ZNF488: variants seen among roughly 807,000 people sequenced by gnomAD.
The protein encoded by ZNF488 is zinc finger protein 488.
ZNF488 carries 1 observed loss-of-function variant against 1.2 expected under a neutral mutation model. The observed-to-expected ratio is 0.86, with a 90% CI of 0.30 to 4.07. The LOEUF is 4.07. Ranked by LOEUF, ZNF488 falls within the 30% of genes most tolerant of loss-of-function variation. The pLI is 0.18. For missense variants in ZNF488, 450 were observed against 437.9 expected, an observed-to-expected ratio of 1.03 and a Z score of -0.25; for synonymous variants, 185 against 190.1, an observed-to-expected ratio of 0.97 and a Z score of 0.22.
At chr10:47,371,367 G>C (rs1837459167) in intron 1 of ZNF488, among the ~76,000 whole-genome samples, 1 of 152,006 alleles carries the variant, frequency 6.6e-6, no homozygotes. Flanking sequence ...CAGGAAAAAA[G>C]CCTATCTACC....
chr10:47,371,731 T>C (rs917992165), intron 1 of ZNF488, among the ~76,000 whole-genome samples: 7 of 152,104 alleles, frequency 4.6e-5, no homozygotes, highest in Admixed American at 2.0e-4. Flanking sequence ...CCTCTGTGAC[T>C]TCAGAGATGC....
chr10:47,368,104 C>T lies in ZNF488; in HGVS notation c.726G>A (p.Glu242=), dbSNP rs1486567043. 6.2e-7 allele frequency: 1 copy of T among 1,614,074 alleles called. No homozygotes were observed. Among genetic ancestry groups the T allele is most frequent in the African/African-American group, 1.3e-5 (1 of 74,934 alleles). The change falls in exon 2 of 2, where the codon GAG becomes GAA. Residue 242 remains glutamate (E), a synonymous_variant. Transcript: ENST00000585316. ...GTGGGGGCACCTGGGCCTGGGTATG[C>T]TCCAGCCACAGTGTAGGGGCACCCA... The part of the protein sequence containing the change: ...TFLGAPTLWL[E]HTQAQVPPPS...
chr10:47,367,612 T>C lies in ZNF488; in HGVS notation c.*195A>G. 1.4e-6 allele frequency: 1 copy of C among 691,676 alleles called. No individual in the cohort carries two copies. Among genetic ancestry groups the C allele is most frequent in the Non-Finnish European group, 2.4e-6 (1 of 413,448 alleles). 42.8% of individuals were successfully genotyped at this position (691,676 alleles called of 1,614,324 possible). On this transcript the variant is annotated 3_prime_UTR_variant, in exon 2 of 2. Transcript: ENST00000585316. ...TGGATTTGCAAAGCCCATCACTTTA[T>C]TTCAGGACTTCATTTCCTTCAAAAC...
intron 1 of ZNF488, among the ~76,000 whole-genome samples, chr10:47,381,424 T>A (rs781980005): frequency 2.0e-5 from 3 of 152,296 alleles, no homozygotes; most frequent in Non-Finnish European, 4.4e-5. Flanking sequence ...GATTGTGAGG[T>A]CCTGGGGTTT....
intron 1 of ZNF488, among the ~76,000 whole-genome samples, chr10:47,381,571 C>T (rs1171735583): frequency 1.3e-5 from 2 of 152,298 alleles, no homozygotes; most frequent in East Asian, 3.8e-4. Flanking sequence ...CCTGGTCAGC[C>T]CCTACAGGCT....
At chr10:47,370,526 A>G (rs782257031) in intron 1 of ZNF488, among the ~76,000 whole-genome samples, 2 of 151,938 alleles carry the variant, frequency 1.3e-5, no homozygotes, top group Non-Finnish European at 2.9e-5. Flanking sequence ...CTCTGAAAGT[A>G]CTCTCCCTCA....
intron 1 of ZNF488, among the ~76,000 whole-genome samples, chr10:47,379,611 G>T (rs1263989564): frequency 6.6e-6 from 1 of 152,240 alleles, no homozygotes; most frequent in African/African-American, 2.4e-5. Context: ...AACAGAACAA[G>T]GGCCAGACCG....
In ZNF488 at chr10:47,368,281, C is replaced by T. The variant is rs781805678; in HGVS notation, c.549G>A (p.Gly183=). The change falls in exon 2 of 2, where the codon GGG becomes GGA. Residue 183 remains glycine, a synonymous_variant. Coordinates refer to ENST00000585316, the MANE Select transcript of ZNF488 (RefSeq NM_153034.4). The part of the protein sequence containing the change: ...RPELTSVFPA[G]ESADALGELS... ...GCTCCCCCAGGGCATCTGCAGATTC[C>T]CCTGCAGGGAAGACTGAGGTTAGCT... 1 of 1,614,218 alleles carries T rather than the reference C, an allele frequency of 6.2e-7. No homozygotes were observed. The highest frequency in any genetic ancestry group is 1.1e-5 in the South Asian group (1 of 91,086).
chr10:47,370,378 C>G (rs1230915923), intron 1 of ZNF488, among the ~76,000 whole-genome samples: 1 of 152,252 alleles, frequency 6.6e-6, no homozygotes, highest in Non-Finnish European at 1.5e-5. Context: ...GGTTCCAACC[C>G]CAGTGAGAAC....
At position 47,368,246 on chromosome 10, in the gene ZNF488, A is replaced by G; in HGVS notation, c.584T>C (p.Leu195Pro). The G allele has an allele frequency of 6.2e-7, 1 of 1,614,210 alleles. No homozygotes were observed. The highest frequency in any genetic ancestry group is 2.2e-5 in the East Asian group (1 of 44,864). ...ACAAGCGAGGTCTGTAGTGTTGAGGAGTCCAGACAGCTCCCCCAGGGCATC... is the reference window on the plus strand; with the variant it reads ...ACAAGCGAGGTCTGTAGTGTTGAGGGGTCCAGACAGCTCCCCCAGGGCATC... ...SADALGELSG[L>P]LNTTDLACWG... The change falls in exon 2 of 2, where the codon CTC becomes CCC. Residue 195 changes from leucine (L) to proline (P), a missense_variant. Leu to Pro is a moderately conservative substitution (Grantham distance 98). Coordinates refer to ENST00000585316, the MANE Select transcript of ZNF488 (RefSeq NM_153034.4).
chr10:47,382,035 CACT>C (rs1216982925), intron 1 of ZNF488, among the ~76,000 whole-genome samples: 26 of 152,346 alleles, frequency 1.7e-4, no homozygotes, highest in African/African-American at 6.3e-4. Context: ...GGCGCCAGGG[CACT>C]ACTTGTGTTC....
intron 1 of ZNF488, among the ~76,000 whole-genome samples, chr10:47,374,074 G>T (rs1353052270): frequency 2.0e-5 from 3 of 152,290 alleles, no homozygotes; most frequent in Non-Finnish European, 4.4e-5. Flanking sequence ...AAGATGCTCG[G>T]GTATGAGTCT....
chr10:47,368,745 A>G lies in ZNF488; in HGVS notation c.85T>C (p.Ser29Pro), dbSNP rs1239516940. Residue 29 changes from serine to proline, a missense_variant, in exon 2 of 2, where the codon TCG (serine) becomes CCG (proline). By Grantham distance (74) the Ser-to-Pro change is moderately conservative (BLOSUM62 -1). Transcript: ENST00000585316. ...AAGKGAPLSP[S>P]AENRWRLSEP... is the part of the protein sequence containing the mutation. ...CTAAGTCGCCATCTGTTTTCAGCCG[A>G]TGGGCTCAACGGGGCTCCCTTCCCA... 31 of 1,613,230 alleles carry G rather than the reference A, an allele frequency of 1.9e-5. No individual in the cohort carries two copies. Among genetic ancestry groups the G allele is most frequent in the Non-Finnish European group, 2.5e-5 (30 of 1,180,010 alleles).
intron 1 of ZNF488, among the ~76,000 whole-genome samples, chr10:47,371,627 C>T (rs1837471632): frequency 6.6e-6 from 1 of 151,880 alleles, no homozygotes; most frequent in Admixed American, 6.6e-5. Flanking sequence ...TTGTTTTGTT[C>T]TGCAGTCAAC....
chr10:47,372,384 G>C lies in ZNF488; in HGVS notation c.-108-3447C>G, dbSNP rs778894274. Among the ~76,000 whole-genome samples, 78 of 152,270 alleles carry C rather than the reference G, an allele frequency of 5.1e-4. 1 individual carries two copies. Among genetic ancestry groups the C allele is most frequent in the Middle Eastern group, 6.8e-3 (2 of 294 alleles). ...AGAGCAACTGGCCAAGAACAGAGCC[G>C]GTGATGCTCAGGGGAGGGACACCCT... On this transcript the variant is annotated intron_variant, in intron 1 of 1. Coordinates refer to ENST00000585316, the MANE Select transcript of ZNF488 (RefSeq NM_153034.4).
chr10:47,372,052 C>T (rs961410610), intron 1 of ZNF488, among the ~76,000 whole-genome samples: 2 of 152,182 alleles, frequency 1.3e-5, no homozygotes, highest in Non-Finnish European at 2.9e-5. Flanking sequence ...AGCTTTTAGG[C>T]AAAGTGCATT....
At position 47,366,578 on chromosome 10, in the gene ZNF488, T is replaced by G. The variant is rs1280000329; in HGVS notation, c.*1229A>C. ...GTGGAAACCAGTGCAAAAACGACAC[T>G]GGCTTGGAAACTCCCCACAAAGGGC... On this transcript the variant is annotated 3_prime_UTR_variant, in exon 2 of 2. Coordinates refer to ENST00000585316, the MANE Select transcript of ZNF488 (RefSeq NM_153034.4). The G allele has an allele frequency of 1.8e-5, 3 of 167,086 alleles. No individual in the cohort carries two copies. Among genetic ancestry groups the G allele is most frequent in the Non-Finnish European group, 1.5e-5 (1 of 68,160 alleles). 10.4% of individuals were successfully genotyped at this position (167,086 alleles called of 1,614,324 possible). A position where few individuals can be genotyped will look rare whatever the true frequency, so the allele number is the denominator to read the frequency against.
rs782517228 is a variant in ZNF488 at position 47,368,333 on chromosome 10, G to A, written c.497C>T (p.Pro166Leu). Residue 166 changes from proline to leucine, a missense_variant, in exon 2 of 2, where the codon CCA becomes CTA. Physicochemically the swap from Pro to Leu is moderately conservative, Grantham distance 98. Transcript: ENST00000585316. Reference protein sequence around the residue: ...RSEQRSAFSKPTKRPAERPEL... With the variant: ...RSEQRSAFSKLTKRPAERPEL... ...AGGCCTCTCTGCTGGTCGCTTGGTT[G>A]GTTTGCTAAAGGCGCTTCTTTGCTC... The A allele has an allele frequency of 2.5e-6, 4 of 1,614,228 alleles. No individual in the cohort carries two copies. Among genetic ancestry groups the A allele is most frequent in the Non-Finnish European group, 3.4e-6 (4 of 1,180,052 alleles).
rs922063265 is a variant in ZNF488 at position 47,368,929 on chromosome 10, C to G, written c.-100G>C. 7.1e-7 allele frequency: 1 copy of G among 1,407,146 alleles called. No individual in the cohort carries two copies. Among genetic ancestry groups the G allele is most frequent in the African/African-American group, 1.4e-5 (1 of 69,616 alleles). The allele number at this position is 1,407,146 out of a possible 1,614,324, so 87.2% of individuals were successfully genotyped here. On this transcript the variant is annotated 5_prime_UTR_variant, in exon 2 of 2. Transcript: ENST00000585316. The stretch of plus-strand genomic sequence containing the variant: ...TGACACTGGGCTGGACACACTCGGC[C>G]ACAGGGCCCTGCAGAGAGAGGAAGC...
Sources: gnomAD v4.1 joint callset for allele counts (sites outside exome capture counted in the v4.1 genomes callset) on GRCh38, gnomAD v4.1.1 for gene constraint, MANE v1.5 for transcripts, NCBI Gene and HGNC (gene_info 2026-07-23, HGNC 2026-07-21) for gene names.